The following PIP4K2A variants were observed in gnomAD, a reference collection of about 807,000 sequenced individuals.
The protein encoded by PIP4K2A is phosphatidylinositol 5-phosphate 4-kinase type-2 alpha.
Under a neutral mutation model 42.9 loss-of-function variants are expected in PIP4K2A, and 14 were observed. That is an observed-to-expected ratio of 0.33 (90% CI 0.22 to 0.51). The LOEUF (loss-of-function observed/expected upper bound fraction) is 0.51, where lower values mean the gene tolerates loss of function less well. Ranked by LOEUF, PIP4K2A falls within the 20% of genes least tolerant of loss-of-function variation. The pLI, the probability that PIP4K2A is intolerant of heterozygous loss-of-function variation, is 0.97. For synonymous variants in PIP4K2A, 192 were observed against 192.2 expected, an observed-to-expected ratio of 1.00 and a Z score of 0.01; for missense variants, 434 against 519.8, an observed-to-expected ratio of 0.83 and a Z score of 1.61.
intron 1 of PIP4K2A, among the ~76,000 whole-genome samples, chr10:22,627,622 A>AAAAG (rs1838473021): frequency 1.6e-5 from 2 of 123,506 alleles, no homozygotes; most frequent in African/African-American, 6.7e-5. Context: ...AAAAAAAAAA[A>AAAAG]AAAAAAAAAG....
intron 6 of PIP4K2A, among the ~76,000 whole-genome samples, chr10:22,559,953 T>C (rs2130776570): frequency 6.6e-6 from 1 of 152,254 alleles, no homozygotes; most frequent in South Asian, 2.1e-4. Flanking sequence ...TAACCCTCTG[T>C]TTGGAGTCCT....
At chr10:22,614,472 A>G (rs960580638) in intron 1 of PIP4K2A, among the ~76,000 whole-genome samples, 3 of 152,068 alleles carry the variant, frequency 2.0e-5, no homozygotes, top group African/African-American at 7.2e-5. Context: ...CATTCTTTAC[A>G]TTTGCATCAC....
chr10:22,700,811 G>A (rs1424031619), intron 1 of PIP4K2A, among the ~76,000 whole-genome samples: 1 of 152,224 alleles, frequency 6.6e-6, no homozygotes, highest in East Asian at 1.9e-4. Context: ...ACTAAGCTCT[G>A]AATGTTAGGG....
At chr10:22,710,106 T>C (rs1440946209) in intron 1 of PIP4K2A, among the ~76,000 whole-genome samples, 2 of 151,906 alleles carry the variant, frequency 1.3e-5, no homozygotes, top group Non-Finnish European at 2.9e-5. Context: ...AATATGGTCT[T>C]TGTCTATTCC....
At chr10:22,642,662 AGT>A (rs1208261297) in intron 1 of PIP4K2A, among the ~76,000 whole-genome samples, 1 of 117,906 alleles carries the variant, frequency 8.5e-6, no homozygotes, top group Non-Finnish European at 1.7e-5. Context: ...ATAATAGAAC[AGT>A]GTATTTATAG....
At chr10:22,686,661 G>C (rs7082140) in intron 1 of PIP4K2A, among the ~76,000 whole-genome samples, 269 of 152,124 alleles carry the variant, frequency 1.8e-3, no homozygotes, top group African/African-American at 6.2e-3. Flanking sequence ...GTAGAAACGA[G>C]GTCTTGCTTT....
intron 6 of PIP4K2A, among the ~76,000 whole-genome samples, chr10:22,559,649 C>T (rs1472325924): frequency 6.6e-6 from 1 of 152,136 alleles, no homozygotes; most frequent in Non-Finnish European, 1.5e-5. Flanking sequence ...CTGAACAGAA[C>T]ATTTTTTTCC....
chr10:22,555,540 T>C lies in PIP4K2A; in HGVS notation c.679-4768A>G, dbSNP rs111245425. Among the ~76,000 whole-genome samples, 51 of 152,354 alleles carry C rather than the reference T, an allele frequency of 3.3e-4. 1 individual carries two copies. Among genetic ancestry groups the C allele is most frequent in the African/African-American group, 1.1e-3 (45 of 41,584 alleles). ...ACTGACATATTTAACATTTTAACAC[T>C]AGCTGTGATGTTCTGGGCCAGTTGC... On this transcript the variant is annotated intron_variant, in intron 6 of 9. Coordinates refer to ENST00000376573, the MANE Select transcript of PIP4K2A (RefSeq NM_005028.5).
At chr10:22,574,255 G>A (rs1323337352) in intron 4 of PIP4K2A, among the ~76,000 whole-genome samples, 2 of 152,118 alleles carry the variant, frequency 1.3e-5, no homozygotes, top group Admixed American at 1.3e-4. Context: ...AAATCATGGG[G>A]AAGTAATATT....
chr10:22,571,113 T>G (rs1836976145), intron 5 of PIP4K2A, among the ~76,000 whole-genome samples: 1 of 152,244 alleles, frequency 6.6e-6, no homozygotes, highest in African/African-American at 2.4e-5. Context: ...AAAGAAGGAA[T>G]GATTTCTTAA....
Position 22,596,205 on chromosome 10 carries a change from C to CAAAAAAAAAAAA in PIP4K2A, c.340-4436_340-4425dup, listed in dbSNP as rs10681238. On this transcript the variant is annotated intron_variant, in intron 3 of 9. Coordinates refer to ENST00000376573, the MANE Select transcript of PIP4K2A (RefSeq NM_005028.5). Reference sequence around the variant, plus strand: ...GGGCAACAAGAGCAAAACTCCGTCTCAAAAAAAAAAAAAAAAAAAAGGATT... The same window carrying CAAAAAAAAAAAA: ...GGGCAACAAGAGCAAAACTCCGTCTCAAAAAAAAAAAAAAAAAAAAAAAAAAAAAAAAGGATT... Among the ~76,000 whole-genome samples the CAAAAAAAAAAAA allele has an allele frequency of 8.6e-3, 595 of 69,542 alleles. 39 individuals are homozygous for CAAAAAAAAAAAA. The highest frequency in any genetic ancestry group is 0.011 in the Non-Finnish European group (426 of 39,276). The allele number at this position is 69,542 out of a possible 152,430, so 45.6% of individuals were successfully genotyped here.
At chr10:22,576,144 T>G (rs1837114443) in intron 4 of PIP4K2A, among the ~76,000 whole-genome samples, 1 of 152,122 alleles carries the variant, frequency 6.6e-6, no homozygotes, top group African/African-American at 2.4e-5. Flanking sequence ...TATCAAAGGT[T>G]TAGAAAGCAT....
At chr10:22,572,283 A>C (rs1392110102) in intron 5 of PIP4K2A, among the ~76,000 whole-genome samples, 1 of 152,232 alleles carries the variant, frequency 6.6e-6, no homozygotes, top group Non-Finnish European at 1.5e-5. Flanking sequence ...ACAATACAGA[A>C]ACAAGGGGCA....
chr10:22,539,077 C>T (rs578041680), intron 9 of PIP4K2A, among the ~76,000 whole-genome samples: 4 of 152,034 alleles, frequency 2.6e-5, no homozygotes, highest in Non-Finnish European at 5.9e-5. Context: ...AGGACCTCTG[C>T]AAAACAAAGA....
intron 5 of PIP4K2A, 86 bp from the exon 6 acceptor site, chr10:22,567,975 G>T: frequency 8.2e-7 from 1 of 1,220,266 alleles, no homozygotes; most frequent in Non-Finnish European, 1.2e-6. Context: ...TCCAGGCGGA[G>T]CAGAGAGCCA....
At chr10:22,668,642 T>G (rs558517398) in intron 1 of PIP4K2A, among the ~76,000 whole-genome samples, 9 of 152,330 alleles carry the variant, frequency 5.9e-5, no homozygotes, top group Middle Eastern at 6.8e-3. Flanking sequence ...GCTGGTTTTC[T>G]GAACTAGTCT....
chr10:22,695,832 T>C (rs1461677317), intron 1 of PIP4K2A, among the ~76,000 whole-genome samples: 2 of 152,182 alleles, frequency 1.3e-5, no homozygotes, highest in Admixed American at 6.5e-5. Flanking sequence ...TGCTTTTACT[T>C]ATATTATTTT....
At chr10:22,594,134 G>C (rs1445942427) in intron 3 of PIP4K2A, among the ~76,000 whole-genome samples, 4 of 152,192 alleles carry the variant, frequency 2.6e-5, no homozygotes. Flanking sequence ...TGGGTCTGCA[G>C]ACCACACATG....
chr10:22,700,714 T>C (rs915734716), intron 1 of PIP4K2A, among the ~76,000 whole-genome samples: 4 of 152,166 alleles, frequency 2.6e-5, no homozygotes, highest in Admixed American at 2.6e-4. Context: ...ACAGAGGTCA[T>C]TCTCGGGTTG....
Sources: allele counts gnomAD v4.1 joint callset (sites outside exome capture counted in the v4.1 genomes callset), GRCh38; gene constraint gnomAD v4.1.1; transcripts MANE v1.5; gene names NCBI Gene and HGNC (gene_info 2026-07-23, HGNC 2026-07-21).